The following RNF220 variants were observed in gnomAD, a reference collection of about 807,000 sequenced individuals.
RNF220 encodes the protein ring finger protein 220.
Under a neutral mutation model 67.1 loss-of-function variants are expected in RNF220, and 7 were observed. The ratio of observed to expected loss-of-function variants is 0.10; its 90% CI spans 0.06 to 0.20. RNF220 has a LOEUF of 0.20. RNF220 is among the 10% of genes least tolerant of loss of function. The probability of loss-of-function intolerance (pLI) is 1.00; values close to 1 mark genes in which losing one functional copy is unlikely to be tolerated. For missense variants in RNF220, 565 were observed against 740.3 expected, an observed-to-expected ratio of 0.76 and a Z score of 2.75; for synonymous variants, 270 against 283.2, an observed-to-expected ratio of 0.95 and a Z score of 0.47.
At chr1:44,486,775 C>T (rs1476093129) in intron 2 of RNF220, among the ~76,000 whole-genome samples, 4 of 152,158 alleles carry the variant, frequency 2.6e-5, no homozygotes, top group African/African-American at 9.7e-5. Flanking sequence ...TTAGCTCCAC[C>T]ACCACCTCCT....
intron 2 of RNF220, among the ~76,000 whole-genome samples, chr1:44,492,867 A>G (rs1490929734): frequency 1.3e-5 from 2 of 152,102 alleles, no homozygotes; most frequent in Non-Finnish European, 2.9e-5. Flanking sequence ...TTTAATGTAC[A>G]GGTTGAGCAT....
chr1:44,541,590 T>A (rs1358357970), intron 2 of RNF220, among the ~76,000 whole-genome samples: 1 of 152,244 alleles, frequency 6.6e-6, no homozygotes, highest in African/African-American at 2.4e-5. Flanking sequence ...GAGCACTAAC[T>A]GGAAGGTTCC....
chr1:44,450,044 T>C (rs1652509584), intron 2 of RNF220, among the ~76,000 whole-genome samples: 1 of 152,156 alleles, frequency 6.6e-6, no homozygotes, highest in South Asian at 2.1e-4. Flanking sequence ...ACCCTGTCTC[T>C]ACTAAAAATA....
intron 2 of RNF220, among the ~76,000 whole-genome samples, chr1:44,446,348 C>T (rs1365730254): frequency 6.6e-6 from 1 of 152,134 alleles, no homozygotes; most frequent in Non-Finnish European, 1.5e-5. Flanking sequence ...ATGGTATTGT[C>T]TTTCATCTAA....
intron 2 of RNF220, among the ~76,000 whole-genome samples, chr1:44,552,731 C>T (rs1219109484): frequency 2.6e-5 from 4 of 151,726 alleles, no homozygotes; most frequent in East Asian, 3.9e-4. Context: ...CCACCACGCC[C>T]GGCTAATTTT....
chr1:44,430,402 A>C (rs1424866386), intron 2 of RNF220, among the ~76,000 whole-genome samples: 8 of 152,184 alleles, frequency 5.3e-5, no homozygotes, highest in African/African-American at 1.4e-4. Context: ...TTGGTTCATT[A>C]GTTTTGATAA....
chr1:44,441,081 G>A (rs1025821805), intron 2 of RNF220, among the ~76,000 whole-genome samples: 12 of 152,186 alleles, frequency 7.9e-5, no homozygotes, highest in African/African-American at 2.7e-4. Flanking sequence ...AGAACCTGTT[G>A]TGATGGCCAC....
At chr1:44,616,700 T>C (rs72671940) in intron 3 of RNF220, among the ~76,000 whole-genome samples, 4,515 of 152,102 alleles carry the variant, frequency 0.03, 110 homozygotes, top group Non-Finnish European at 0.041. Context: ...GGAGGAGTCC[T>C]GTGTAATTTG....
At chr1:44,541,991 A>G (rs1197983445) in intron 2 of RNF220, among the ~76,000 whole-genome samples, 4 of 152,196 alleles carry the variant, frequency 2.6e-5, no homozygotes, top group African/African-American at 7.2e-5. Context: ...GATCCATGCT[A>G]TGGCAGAGCC....
chr1:44,412,856 G>T lies in RNF220; in HGVS notation c.625+134G>T. The stretch of plus-strand genomic sequence containing the variant: ...CTACTTCCCTTTCACTAGCTGTGGA[G>T]TGCTAACCTTTGCTTGTCTCTTATC... On this transcript the variant is annotated intron_variant, in intron 2 of 14. Transcript: ENST00000361799. The surrounding 1 kb of genome is among the most constrained non-coding windows in gnomAD (Gnocchi z 5.3). The T allele has an allele frequency of 9.9e-7, 1 of 1,005,148 alleles. No homozygotes were observed. The allele number at this position is 1,005,148 out of a possible 1,614,324, so 62.3% of individuals were successfully genotyped here.
intron 2 of RNF220, among the ~76,000 whole-genome samples, chr1:44,444,777 C>T (rs1049534667): frequency 6.6e-6 from 1 of 151,372 alleles, no homozygotes; most frequent in South Asian, 2.1e-4. Flanking sequence ...TGGTGATATA[C>T]ATTTGGGTTA....
chr1:44,436,597 G>A (rs1465125705), intron 2 of RNF220, among the ~76,000 whole-genome samples: 1 of 152,144 alleles, frequency 6.6e-6, no homozygotes, highest in Admixed American at 6.5e-5. Flanking sequence ...CAAGTTGAGT[G>A]CACTCTTGAC....
At chr1:44,605,037 C>G (rs758209702) in intron 2 of RNF220, among the ~76,000 whole-genome samples, 4 of 152,122 alleles carry the variant, frequency 2.6e-5, no homozygotes, top group African/African-American at 9.7e-5. Flanking sequence ...CGCGGTGGCT[C>G]ATGCCTGTAA....
intron 2 of RNF220, among the ~76,000 whole-genome samples, chr1:44,570,845 G>A (rs1301208802): frequency 6.6e-6 from 1 of 152,142 alleles, no homozygotes; most frequent in African/African-American, 2.4e-5. Context: ...AGGTCAAGGC[G>A]GGTAGGTCAT....
intron 2 of RNF220, among the ~76,000 whole-genome samples, chr1:44,468,766 A>T (rs1271233935): frequency 6.6e-6 from 1 of 152,074 alleles, no homozygotes; most frequent in Non-Finnish European, 1.5e-5. Flanking sequence ...AATACAAAAA[A>T]ATTAGCCGGG....
intron 8 of RNF220, among the ~76,000 whole-genome samples, chr1:44,637,114 G>A (rs1027415104): frequency 2.6e-5 from 4 of 152,236 alleles, no homozygotes; most frequent in African/African-American, 9.6e-5. Flanking sequence ...GGTCCCTGGG[G>A]AATCTCACAG....
chr1:44,425,311 G>T (rs1026688336), intron 2 of RNF220, among the ~76,000 whole-genome samples: 5 of 152,110 alleles, frequency 3.3e-5, no homozygotes, highest in Admixed American at 6.6e-5. Context: ...TTGCTTAATT[G>T]TGCCTCTCCC....
chr1:44,622,912 C>T lies in RNF220; in HGVS notation c.804+125C>T, dbSNP rs1643856804. ...CTATCTCCAGCTTTTCTAATATCCT[C>T]AACTATCTCCAGGTCTTGAACATCA... On this transcript the variant is annotated intron_variant, in intron 4 of 14. Transcript: ENST00000361799. This position sits in a 1 kb window ranked among gnomAD's most constrained non-coding sequence, Gnocchi z 4.3. 1 of 775,556 alleles carries T rather than the reference C, an allele frequency of 1.3e-6. No homozygotes were observed. Among genetic ancestry groups the T allele is most frequent in the African/African-American group, 1.7e-5 (1 of 58,266 alleles). The allele number at this position is 775,556 out of a possible 1,614,324, so 48.0% of individuals were successfully genotyped here. A position where few individuals can be genotyped will look rare whatever the true frequency, so the allele number is the denominator to read the frequency against.
At chr1:44,487,728 A>G (rs2148041947) in intron 2 of RNF220, among the ~76,000 whole-genome samples, 1 of 149,040 alleles carries the variant, frequency 6.7e-6, no homozygotes, top group Admixed American at 6.7e-5. Context: ...AATAATACAA[A>G]AATTAGCTGA....
Sources: gnomAD v4.1 joint callset for allele counts (sites outside exome capture counted in the v4.1 genomes callset) on GRCh38, gnomAD v4.1.1 for gene constraint, Gnocchi (gnomAD v3.1) non-coding constraint, MANE v1.5 for transcripts, NCBI Gene and HGNC (gene_info 2026-07-23, HGNC 2026-07-21) for gene names.